The following LILRB3 variants were observed in gnomAD, a reference collection of about 807,000 sequenced individuals.
The protein encoded by LILRB3 is leukocyte immunoglobulin-like receptor subfamily B member 3.
LILRB3 carries 32 observed loss-of-function variants against 68.2 expected under a neutral mutation model. That is an observed-to-expected ratio of 0.47 (90% CI 0.35 to 0.63). LILRB3 has a LOEUF of 0.63. Among genes scored for constraint, LILRB3 ranks in the 30% least tolerant of loss-of-function variants. The pLI is 0.00. For missense variants in LILRB3, 502 were observed against 791.3 expected (o/e 0.63, Z 4.39); for synonymous variants, 185 against 323.1 (o/e 0.57, Z 4.58).
At chr19:54,218,827 T>C (rs757635750) in exon 9 of LILRB3, 1 of 1,614,034 alleles carries the variant, frequency 6.2e-7, no homozygotes, top group East Asian at 2.2e-5. Flanking sequence ...TGGAAATCAG[T>C]CTTTCTCTGG....
At chr19:54,217,434 G>A (rs756766413) in exon 12 of LILRB3, 12 of 1,595,786 alleles carry the variant, frequency 7.5e-6, no homozygotes, top group Admixed American at 3.4e-5. Context: ...GTGTTTCACC[G>A]GGGCATACGT....
At chr19:54,216,692 T>A (rs2077503312) in exon 13 of LILRB3, 1 of 1,064,898 alleles carries the variant, frequency 9.4e-7, no homozygotes, top group African/African-American at 1.7e-5. Context: ...ATTCACTGTT[T>A]TTTTTTTTAG....
rs1003015521 is a variant in LILRB3, at chr19:54,216,958, C to G, written c.*135G>C. ...TTGAGTCAGGTGAGTCCCACAAGTT[C>G]CCAGCGTCTCCTCATGGTCTGTGTT... On this transcript the variant is annotated 3_prime_UTR_variant, in exon 13 of 13. Transcript: ENST00000445347. 9 of 1,510,130 alleles carry G rather than the reference C, an allele frequency of 6.0e-6. No homozygotes were observed. In the Admixed American group the frequency reaches 1.1e-4, roughly 19 times the overall value. 93.5% of individuals were successfully genotyped at this position (1,510,130 alleles called of 1,614,324 possible).
Position 54,222,141 on chromosome 19 carries a change from A to G in LILRB3, c.356-11T>C, listed in dbSNP as rs375485249. The G allele has an allele frequency of 2.5e-4, 395 of 1,607,800 alleles. 17 individuals are homozygous for G. In the South Asian group the frequency reaches 4.0e-3, roughly 16 times the overall value. ...GTTTGTTGTAGAATCCTAGGAGAGA[A>G]AGAGGCACCGTGTTAAATGGGGCTC... is the stretch of plus-strand genomic sequence containing the variant. On this transcript the variant is annotated splice_polypyrimidine_tract_variant and intron_variant, in intron 3 of 12. Coordinates refer to ENST00000445347, the Ensembl canonical transcript of LILRB3.
chr19:54,220,115 T>G (rs2147304770), intron 7 of LILRB3, 40 bp downstream of exon 7: 1 of 1,506,494 alleles, frequency 6.6e-7, no homozygotes. Flanking sequence ...CAGACTGCCC[T>G]GGGGGAGGCG....
At chr19:54,218,075 C>T (rs1263149978) in intron 11 of LILRB3, among the ~76,000 whole-genome samples, 13 of 143,670 alleles carry the variant, frequency 9.0e-5, no homozygotes, top group Non-Finnish European at 1.8e-4. Context: ...GCCCAGGGGA[C>T]GGAGGTGGTT....
rs199580148 is a variant in LILRB3 at position 54,217,162 on chromosome 19, C to T, written c.1827G>A (p.Glu609=). 10 of 1,613,962 alleles carry T rather than the reference C, an allele frequency of 6.2e-6. 1 individual carries two copies. The highest frequency in any genetic ancestry group is 4.5e-5 in the East Asian group (2 of 44,868). ...GTTCCCCTTCCTGGGATGGAGGAGG[C>T]TCAGTTGCCTTCCGTCTAAGGGTCA... Residue 609 remains glutamate, a synonymous_variant, in exon 13 of 13, where the codon GAG becomes GAA. Coordinates refer to ENST00000445347, the Ensembl canonical transcript of LILRB3.
chr19:54,222,869 A>G, intron 1 of LILRB3, 74 bp downstream of exon 1: 1 of 1,612,580 alleles, frequency 6.2e-7, no homozygotes, highest in East Asian at 2.2e-5. Context: ...AGGTCTCCTG[A>G]TGGACCAGGG....
rs900926709 is a variant in LILRB3 at position 54,217,619 on chromosome 19, G to A, written c.1594-145C>T. 7.8e-6 allele frequency: 9 copies of A among 1,149,794 alleles called. No individual in the cohort carries two copies. The Admixed American group carries it at 1.7e-4, about 21-fold the overall frequency. The allele number at this position is 1,149,794 out of a possible 1,614,324, so 71.2% of individuals were successfully genotyped here. On this transcript the variant is annotated intron_variant, in intron 11 of 12. Coordinates refer to ENST00000445347, the Ensembl canonical transcript of LILRB3. ...ACGCCCTAAGGCCGTGGAGGGTCTGGCCGCTCCCTCCCTGTGGTTCTGGCC... is the reference window on the plus strand; with the variant it reads ...ACGCCCTAAGGCCGTGGAGGGTCTGACCGCTCCCTCCCTGTGGTTCTGGCC...
intron 7 of LILRB3, 54 bp downstream of exon 7, chr19:54,220,101 G>A (rs1393917537): frequency 4.7e-6 from 7 of 1,505,090 alleles, no homozygotes; most frequent in Non-Finnish European, 5.4e-6. Flanking sequence ...TCCTTTGGGA[G>A]ACTCAGACTG....
Position 54,217,424 on chromosome 19 carries a change from G to GT in LILRB3, c.1643dup (p.His548GlnfsTer5), listed in dbSNP as rs2077588209. ...AGGCCATTTCTCTCCTAGGACTGGAGTGTTTCACCGGGGCATACGTCACTG... is the reference window on the plus strand; with the variant it reads ...AGGCCATTTCTCTCCTAGGACTGGAGTTGTTTCACCGGGGCATACGTCACTG... On this transcript the variant is annotated frameshift_variant, in exon 12 of 13. Transcript: ENST00000445347. LOFTEE classifies it high-confidence loss of function. 1.9e-6 allele frequency: 3 copies of GT among 1,609,024 alleles called. No homozygotes were observed. Among genetic ancestry groups the GT allele is most frequent in the Non-Finnish European group, 2.5e-6 (3 of 1,179,242 alleles).
At chr19:54,216,495 A>G in exon 13 of LILRB3, 1 of 366,464 alleles carries the variant, frequency 2.7e-6, no homozygotes, top group Non-Finnish European at 3.8e-6. Context: ...TATTTTTAGT[A>G]GAGACGGGGT....
chr19:54,219,566 G>T (rs1278935411), intron 7 of LILRB3: 9 of 1,549,324 alleles, frequency 5.8e-6, no homozygotes, highest in East Asian at 2.4e-5. Flanking sequence ...CCACGGCCCT[G>T]CTCCCCTCCC....
Position 54,217,475 on chromosome 19 carries a change from C to G in LILRB3, c.1594-1G>C. The stretch of plus-strand genomic sequence containing the variant: ...CCTGGGGGTCTTCATCGTGTGGGCT[C>G]TGCTGGAGAGAGACAGTGGTGGGGG... On this transcript the variant is annotated splice_acceptor_variant, in intron 11 of 12. Transcript: ENST00000445347. LOFTEE classifies it high-confidence loss of function. 1 of 1,607,600 alleles carries G rather than the reference C, an allele frequency of 6.2e-7. No individual in the cohort carries two copies. The highest frequency in any genetic ancestry group is 8.5e-7 in the Non-Finnish European group (1 of 1,177,640).
At position 54,222,459 on chromosome 19, in the gene LILRB3, G is replaced by T; in HGVS notation, c.174C>A (p.Tyr58Ter). Reference sequence around the variant, plus strand: ...CTGGGCTTCCCTCTTTATCCAGTTGGTACTCCTGGGCCTCCAGGCTCCCCT... The same window carrying T: ...CTGGGCTTCCCTCTTTATCCAGTTGTTACTCCTGGGCCTCCAGGCTCCCCT... Residue 58 changes from tyrosine to a stop codon, truncating the protein, a stop_gained, in exon 3 of 13, where the codon TAC (tyrosine) becomes TAA (stop). Transcript: ENST00000445347. LOFTEE classifies it high-confidence loss of function. 3.1e-6 allele frequency: 5 copies of T among 1,601,042 alleles called. No individual in the cohort carries two copies. The highest frequency in any genetic ancestry group is 3.4e-6 in the Non-Finnish European group (4 of 1,172,786).
At chr19:54,219,028 C>T in intron 8 of LILRB3, 101 bp downstream of exon 8, 1 of 1,529,690 alleles carries the variant, frequency 6.5e-7, no homozygotes, top group Non-Finnish European at 8.8e-7. Flanking sequence ...GCCCCTGGAA[C>T]CGGTTTTCTA....
exon 13 of LILRB3, chr19:54,217,085 C>G: frequency 6.2e-7 from 1 of 1,614,026 alleles, no homozygotes; most frequent in Non-Finnish European, 8.5e-7. Flanking sequence ...GTCTGCGTAC[C>G]CCCCGGGCTA....
At chr19:54,218,534 A>G (rs2077721416) in intron 10 of LILRB3, 111 bp downstream of exon 10, 2 of 1,603,398 alleles carry the variant, frequency 1.2e-6, no homozygotes, top group South Asian at 1.1e-5. Flanking sequence ...GTGTGGGGCA[A>G]GACCATCTTC....
At chr19:54,218,611 C>T (rs779382327) in intron 10 of LILRB3, 34 bp downstream of exon 10, 42 of 1,613,980 alleles carry the variant, frequency 2.6e-5, no homozygotes, top group Non-Finnish European at 3.1e-5. Flanking sequence ...CCTGTCTCTC[C>T]AGCACCCCCA....
Sources: allele counts gnomAD v4.1 joint callset (sites outside exome capture counted in the v4.1 genomes callset), GRCh38; gene constraint gnomAD v4.1.1; transcripts MANE v1.5; gene names NCBI Gene and HGNC (gene_info 2026-07-23, HGNC 2026-07-21).